The following ZNF83 variants were observed in gnomAD, a reference collection of about 807,000 sequenced individuals.
ZNF83 encodes the protein zinc finger protein 83.
For missense variants in ZNF83, 552 were observed against 629.9 expected (o/e 0.88, Z 1.32); for synonymous variants, 209 against 213.0 (o/e 0.98, Z 0.17).
intron 2 of ZNF83, among the ~76,000 whole-genome samples, chr19:52,625,032 T>A (rs1322596737): frequency 6.6e-6 from 1 of 151,502 alleles, no homozygotes; most frequent in Non-Finnish European, 1.5e-5. Flanking sequence ...TGACATTCAC[T>A]CCATTTCCCC....
intron 3 of ZNF83, chr19:52,651,784 G>A (rs2061445294): frequency 6.5e-6 from 1 of 154,234 alleles, no homozygotes; most frequent in African/African-American, 2.4e-5. Flanking sequence ...GGCCCAGCTG[G>A]TCTCAAACTG....
At chr19:52,631,898 C>G (rs1465546533) in intron 2 of ZNF83, among the ~76,000 whole-genome samples, 1 of 151,052 alleles carries the variant, frequency 6.6e-6, no homozygotes, top group Non-Finnish European at 1.5e-5. Context: ...TCTCAGTGTT[C>G]CATCTGCTAT....
intron 3 of ZNF83, among the ~76,000 whole-genome samples, chr19:52,653,673 T>G (rs2061471852): frequency 6.6e-6 from 1 of 152,214 alleles, no homozygotes; most frequent in African/African-American, 2.4e-5. Context: ...CAGTATGAAG[T>G]CTATGATGGC....
At chr19:52,671,804 T>C (rs1169457146) in intron 1 of ZNF83, among the ~76,000 whole-genome samples, 1 of 152,230 alleles carries the variant, frequency 6.6e-6, no homozygotes, top group Non-Finnish European at 1.5e-5. Flanking sequence ...CAGGTGGGAA[T>C]AACAAAGGCT....
intron 1 of ZNF83, among the ~76,000 whole-genome samples, chr19:52,684,738 G>A (rs1176795933): frequency 6.6e-6 from 1 of 152,100 alleles, no homozygotes; most frequent in African/African-American, 2.4e-5. Flanking sequence ...GATCATTTAG[G>A]GACATAGGGT....
At chr19:52,636,293 T>C (rs897557337) in intron 1 of ZNF83, 4 of 152,192 alleles carry the variant, frequency 2.6e-5, no homozygotes, top group East Asian at 3.9e-4. Context: ...GCCTAGGCAA[T>C]TGGCCAGACC....
At chr19:52,673,881 T>A (rs12980264) in intron 1 of ZNF83, among the ~76,000 whole-genome samples, 1 of 150,938 alleles carries the variant, frequency 6.6e-6, no homozygotes, top group African/African-American at 2.4e-5. Context: ...CCGGGCCTGG[T>A]GGTGTGTGCC....
At chr19:52,655,252 C>T (rs979149749) in intron 3 of ZNF83, 1 of 298,150 alleles carries the variant, frequency 3.4e-6, no homozygotes, top group African/African-American at 2.2e-5. Flanking sequence ...GTCATGCTTT[C>T]TAGCTCATCT....
At position 52,627,630 on chromosome 19, in the gene ZNF83, A is replaced by G. The variant is rs1479409843; in HGVS notation, c.-234+7436T>C. On this transcript the variant is annotated intron_variant, in intron 2 of 2. Coordinates refer to ENST00000301096, the Ensembl canonical transcript of ZNF83. ...ATCATACCAGTACTCTGGCCTGAGC[A>G]AAAGAGCAAAACTCAGTCTCAACTA... 3.3e-5 allele frequency among the ~76,000 whole-genome samples: 5 copies of G among 152,170 alleles called. No individual in the cohort carries two copies. The East Asian group carries it at 9.6e-4, about 29-fold the overall frequency.
intron 3 of ZNF83, chr19:52,652,997 G>A (rs1263934853): frequency 7.3e-7 from 1 of 1,377,404 alleles, no homozygotes; most frequent in African/African-American, 1.4e-5. Context: ...TCTCCAGTAT[G>A]AACTCTCTGA....
At chr19:52,631,981 C>T (rs74180731) in intron 2 of ZNF83, among the ~76,000 whole-genome samples, 17,226 of 150,794 alleles carry the variant, frequency 0.11, 436 homozygotes, top group South Asian at 0.21. Context: ...TTGCCCCCAC[C>T]CAGGACTGGC....
chr19:52,670,380 G>C (rs2042126923), intron 1 of ZNF83, among the ~76,000 whole-genome samples: 1 of 152,152 alleles, frequency 6.6e-6, no homozygotes, highest in African/African-American at 2.4e-5. Flanking sequence ...AGCAGCAAGG[G>C]CCATGTGCAT....
At chr19:52,659,196 C>T (rs947531868) in intron 2 of ZNF83, among the ~76,000 whole-genome samples, 1 of 152,026 alleles carries the variant, frequency 6.6e-6, no homozygotes. Context: ...TCAAGCCTCT[C>T]TTGAGGCAAC....
intron 2 of ZNF83, among the ~76,000 whole-genome samples, chr19:52,658,392 T>G (rs1399720042): frequency 1.4e-4 from 22 of 151,938 alleles, no homozygotes. Flanking sequence ...ATGGTGAAAT[T>G]TCATCTCTAC....
At chr19:52,649,809 G>T (rs2147247260) in intron 3 of ZNF83, among the ~76,000 whole-genome samples, 1 of 152,158 alleles carries the variant, frequency 6.6e-6, no homozygotes, top group Non-Finnish European at 1.5e-5. Context: ...ACAGAAACTA[G>T]AAAACTGGAA....
rs777604214 is a variant in ZNF83, at chr19:52,614,155, G to C, written c.410C>G (p.Ala137Gly). The change falls in exon 3 of 3, where the codon GCA (alanine) becomes GGA (glycine). Residue 137 changes from alanine (A) to glycine (G), a missense_variant. By Grantham distance (60) the Ala-to-Gly change is moderately conservative (BLOSUM62 0). Coordinates refer to ENST00000301096, the Ensembl canonical transcript of ZNF83. The stretch of plus-strand genomic sequence containing the variant: ...TCCAGTATGAATTCTTTGATGACTT[G>C]CAAGGTTTGATTTTTTATTGAAGAT... 5 of 1,613,932 alleles carry C rather than the reference G, an allele frequency of 3.1e-6. No individual in the cohort carries two copies. In the South Asian group the frequency reaches 5.5e-5, roughly 18 times the overall value.
intron 1 of ZNF83, among the ~76,000 whole-genome samples, chr19:52,684,097 C>T (rs1174598147): frequency 6.6e-6 from 1 of 151,930 alleles, no homozygotes; most frequent in African/African-American, 2.4e-5. Flanking sequence ...GAGCTGGGTG[C>T]AGGGCTCATG....
chr19:52,647,542 A>T (rs2061388114), intron 3 of ZNF83, among the ~76,000 whole-genome samples: 1 of 151,920 alleles, frequency 6.6e-6, no homozygotes, highest in South Asian at 2.1e-4. Context: ...TCAGTCTCCT[A>T]AAGTGCTGGG....
At chr19:52,675,974 G>A (rs1206281712) in intron 1 of ZNF83, among the ~76,000 whole-genome samples, 1 of 152,102 alleles carries the variant, frequency 6.6e-6, no homozygotes, top group Non-Finnish European at 1.5e-5. Flanking sequence ...GGCAGATCAT[G>A]AGGTCAGGAG....
Sources: allele counts gnomAD v4.1 joint callset (sites outside exome capture counted in the v4.1 genomes callset), GRCh38; gene constraint gnomAD v4.1.1; transcripts MANE v1.5; gene names NCBI Gene and HGNC (gene_info 2026-07-23, HGNC 2026-07-21).